AP3B2: variants seen among roughly 807,000 people sequenced by gnomAD.
AP3B2 encodes the protein adaptor related protein complex 3 subunit beta 2.
A neutral mutation model predicts 126.9 loss-of-function variants in AP3B2; 50 were observed. That is an observed-to-expected ratio of 0.39 (90% CI 0.31 to 0.50). The LOEUF (loss-of-function observed/expected upper bound fraction) is 0.50, where lower values mean the gene tolerates loss of function less well. Among genes scored for constraint, AP3B2 ranks in the 20% least tolerant of loss-of-function variants. The pLI, the probability that AP3B2 is intolerant of heterozygous loss-of-function variation, is 0.79. For missense variants in AP3B2, 1,177 were observed against 1,426.4 expected (o/e 0.83, Z 2.82); for synonymous variants, 541 against 565.0 (o/e 0.96, Z 0.60).
At chr15:82,695,401 G>A (rs1237336193) in intron 1 of AP3B2, among the ~76,000 whole-genome samples, 1 of 152,070 alleles carries the variant, frequency 6.6e-6, no homozygotes, top group African/African-American at 2.4e-5. Flanking sequence ...GCCCAGCTGA[G>A]GGTTGAAACT....
intron 25 of AP3B2, 105 bp from the exon 26 acceptor site, chr15:82,660,088 A>G (rs2151425475): frequency 7.2e-7 from 1 of 1,380,170 alleles, no homozygotes; most frequent in East Asian, 2.3e-5. Context: ...GGAAGGTATC[A>G]TGCAAAGGGC....
chr15:82,677,257 T>A lies in AP3B2; in HGVS notation c.1488+17A>T. 1 of 1,586,840 alleles carries A rather than the reference T, an allele frequency of 6.3e-7. No homozygotes were observed. The highest frequency in any genetic ancestry group is 1.7e-4 in the Middle Eastern group (1 of 6,000). On this transcript the variant is annotated intron_variant, in intron 13 of 26. Coordinates refer to ENST00000535359, the MANE Select transcript of AP3B2 (RefSeq NM_001278512.2). ...AGGACCTTGAAGTGGGGAGTGAAAA[T>A]ATGGCTTCTCCCTCACCTGGATGTT...
At position 82,677,080 on chromosome 15, in the gene AP3B2, T is replaced by C. The variant is rs145630503; in HGVS notation, c.1488+194A>G. ...GTAGTAGTAAAGTCCATCGTGCTCA[T>C]TGAGGGTCTCCAAAGGGAAAGCAAA... On this transcript the variant is annotated intron_variant, in intron 13 of 26. Coordinates refer to ENST00000535359, the MANE Select transcript of AP3B2 (RefSeq NM_001278512.2). Among the ~76,000 whole-genome samples, 120 of 152,330 alleles carry C rather than the reference T, an allele frequency of 7.9e-4. 2 individuals carry two copies. The East Asian group carries it at 0.02, about 25-fold the overall frequency.
chr15:82,663,871 G>C lies in AP3B2; in HGVS notation c.2366C>G (p.Ser789Ter). ...SDEGSDSSSS[S>*]SESEMTSESE... Reference sequence around the variant, plus strand: ...CTCCGATGTCATCTCGGACTCTGATGAGCTACTGCTGGAATCGCTGCCCTC... The same window carrying C: ...CTCCGATGTCATCTCGGACTCTGATCAGCTACTGCTGGAATCGCTGCCCTC... The change falls in exon 20 of 27, where the codon TCA becomes TGA. Residue 789 changes from serine (S) to a stop codon, truncating the protein, a stop_gained. Transcript: ENST00000535359. LOFTEE classifies it high-confidence loss of function. 1 of 1,613,868 alleles carries C rather than the reference G, an allele frequency of 6.2e-7. No homozygotes were observed. Among genetic ancestry groups the C allele is most frequent in the Non-Finnish European group, 8.5e-7 (1 of 1,179,876 alleles).
chr15:82,674,791 T>C (rs369102453), intron 14 of AP3B2, among the ~76,000 whole-genome samples: 82 of 152,092 alleles, frequency 5.4e-4, no homozygotes, highest in African/African-American at 2.0e-3. Context: ...AACCTCACCA[T>C]CCTGGGGTTT....
chr15:82,668,521 A>T (rs1163057941), intron 14 of AP3B2, among the ~76,000 whole-genome samples: 1 of 151,524 alleles, frequency 6.6e-6, no homozygotes, highest in East Asian at 1.9e-4. Context: ...CTGATCACAG[A>T]CTCCCTCCTT....
intron 14 of AP3B2, among the ~76,000 whole-genome samples, chr15:82,670,321 G>T (rs1445665467): frequency 6.6e-6 from 1 of 152,080 alleles, no homozygotes; most frequent in Non-Finnish European, 1.5e-5. Context: ...TGCTGGCCAG[G>T]CTGCTCTTGA....
intron 14 of AP3B2, among the ~76,000 whole-genome samples, chr15:82,669,831 GTC>G (rs1013284838): frequency 1.8e-4 from 27 of 150,160 alleles, no homozygotes; most frequent in African/African-American, 6.6e-4. Flanking sequence ...GAGAAACCCT[GTC>G]TCTACTAAAA....
At chr15:82,707,282 A>G (rs2048811506) in intron 1 of AP3B2, among the ~76,000 whole-genome samples, 1 of 152,162 alleles carries the variant, frequency 6.6e-6, no homozygotes, top group Non-Finnish European at 1.5e-5. Context: ...ACCAACTTAA[A>G]AAGGACTGAC....
In AP3B2 at chr15:82,708,933, G is replaced by GGT. The variant is rs2048836504; in HGVS notation, c.113+660_113+661insAC. On this transcript the variant is annotated intron_variant, in intron 1 of 26. Coordinates refer to ENST00000535359, the MANE Select transcript of AP3B2 (RefSeq NM_001278512.2). ...GGTCTCATGTTCACAGTTGTATTCC[G>GGT]TGACTAGTTCAGGACTCGACACAGT... 2.0e-5 allele frequency: 3 copies of GGT among 152,246 alleles called. 1 individual carries two copies. The South Asian group carries it at 6.2e-4, about 32-fold the overall frequency. The allele number at this position is 152,246 out of a possible 1,614,324, so 9.4% of individuals were successfully genotyped here. A position where few individuals can be genotyped will look rare whatever the true frequency, so the allele number is the denominator to read the frequency against.
intron 23 of AP3B2, 91 bp downstream of exon 23, chr15:82,662,603 C>T: frequency 7.8e-7 from 1 of 1,276,046 alleles, no homozygotes; most frequent in Non-Finnish European, 1.1e-6. Context: ...AGCTTGGCCC[C>T]TGGCCTGGCA....
intron 14 of AP3B2, among the ~76,000 whole-genome samples, chr15:82,672,853 C>T (rs2048180460): frequency 6.6e-6 from 1 of 152,224 alleles, no homozygotes; most frequent in Non-Finnish European, 1.5e-5. Context: ...TGGGAGGCCC[C>T]TATGGCAATG....
chr15:82,672,417 G>A (rs1201519326), intron 14 of AP3B2, among the ~76,000 whole-genome samples: 1 of 152,136 alleles, frequency 6.6e-6, no homozygotes. Context: ...TAAAAGAATT[G>A]AGCTCATGGA....
chr15:82,676,857 C>A (rs2048250989), intron 13 of AP3B2, among the ~76,000 whole-genome samples: 1 of 152,206 alleles, frequency 6.6e-6, no homozygotes, highest in African/African-American at 2.4e-5. Flanking sequence ...TAGCATAGAG[C>A]TTTCAAGACC....
chr15:82,678,026 A>G, intron 11 of AP3B2, 79 bp downstream of exon 11: 1 of 1,517,996 alleles, frequency 6.6e-7, no homozygotes, highest in Admixed American at 1.8e-5. Context: ...TGGGCTCATA[A>G]GAGGAGGTTT....
chr15:82,691,644 C>G, intron 1 of AP3B2: 1 of 1,122,558 alleles, frequency 8.9e-7, no homozygotes. Context: ...ACGCTAAATC[C>G]TCAATCTGGA....
At chr15:82,672,955 A>G (rs547296093) in intron 14 of AP3B2, among the ~76,000 whole-genome samples, 109 of 152,312 alleles carry the variant, frequency 7.2e-4, no homozygotes, top group African/African-American at 2.5e-3. Flanking sequence ...AAGGAAGTGG[A>G]TCGTGGCACC....
At chr15:82,703,262 C>T (rs1036876677) in intron 1 of AP3B2, among the ~76,000 whole-genome samples, 3 of 151,864 alleles carry the variant, frequency 2.0e-5, no homozygotes, top group African/African-American at 7.3e-5. Context: ...CAAGTACCCC[C>T]CACCCCTTCT....
At chr15:82,692,385 C>T in intron 1 of AP3B2, 1 of 505,892 alleles carries the variant, frequency 2.0e-6, no homozygotes, top group Non-Finnish European at 3.4e-6. Flanking sequence ...CCCCTCCCCG[C>T]AATCCCCCCG....
Sources: gnomAD v4.1 joint callset for allele counts (sites outside exome capture counted in the v4.1 genomes callset) on GRCh38, gnomAD v4.1.1 for gene constraint, MANE v1.5 for transcripts, NCBI Gene and HGNC (gene_info 2026-07-23, HGNC 2026-07-21) for gene names.